The following ANKRD30BL variants were observed in gnomAD, a reference collection of about 807,000 sequenced individuals.
ANKRD30BL encodes the protein ankyrin repeat domain 30B like.
ANKRD30BL carries 20 observed loss-of-function variants against 18.4 expected under a neutral mutation model. The observed-to-expected ratio is 1.09, with a 90% CI of 0.77 to 1.58. The LOEUF is 1.58. Ranked by LOEUF, ANKRD30BL falls within the 40% of genes most tolerant of loss-of-function variation. The pLI, the probability that ANKRD30BL is intolerant of heterozygous loss-of-function variation, is 0.00. For synonymous variants in ANKRD30BL, 72 were observed against 100.9 expected, an observed-to-expected ratio of 0.71 and a Z score of 1.72; for missense variants, 224 against 268.6, an observed-to-expected ratio of 0.83 and a Z score of 1.16.
chr2:132,253,758 C>T (rs1327070581), intron 1 of ANKRD30BL, among the ~76,000 whole-genome samples: 1 of 151,924 alleles, frequency 6.6e-6, no homozygotes, highest in Non-Finnish European at 1.5e-5. Context: ...GGTCCTTAAA[C>T]CTCTGCACCA....
At chr2:132,233,390 CA>C (rs1218424257) in intron 1 of ANKRD30BL, among the ~76,000 whole-genome samples, 1 of 142,212 alleles carries the variant, frequency 7.0e-6, no homozygotes, top group African/African-American at 2.6e-5. Flanking sequence ...CACAGACTGG[CA>C]AATTGGATAA....
intron 1 of ANKRD30BL, among the ~76,000 whole-genome samples, chr2:132,210,986 T>G (rs1225218508): frequency 6.8e-6 from 1 of 146,688 alleles, no homozygotes; most frequent in East Asian, 2.0e-4. Flanking sequence ...TTTGAAACAC[T>G]CTTTTTGTGG....
intron 1 of ANKRD30BL, among the ~76,000 whole-genome samples, chr2:132,190,709 A>G (rs3119422): frequency 6.6e-6 from 1 of 152,156 alleles, no homozygotes; most frequent in African/African-American, 2.4e-5. Context: ...ATGCTGCTAT[A>G]AAAGATAATC....
chr2:132,231,139 T>C (rs1185952482), intron 1 of ANKRD30BL, among the ~76,000 whole-genome samples: 5 of 152,056 alleles, frequency 3.3e-5, no homozygotes, highest in Admixed American at 6.6e-5. Flanking sequence ...AGGCCTATGG[T>C]GGAAAAGGAA....
chr2:132,174,483 C>T (rs1688330016), intron 1 of ANKRD30BL, among the ~76,000 whole-genome samples: 1 of 152,090 alleles, frequency 6.6e-6, no homozygotes, highest in Admixed American at 6.5e-5. Flanking sequence ...ACATTAATTT[C>T]CTCAGGACAG....
At chr2:132,235,410 A>G (rs912198148) in intron 1 of ANKRD30BL, among the ~76,000 whole-genome samples, 17 of 152,190 alleles carry the variant, frequency 1.1e-4, no homozygotes, top group Non-Finnish European at 2.2e-4. Flanking sequence ...CCCTGTTTGC[A>G]GATGACATGA....
At chr2:132,163,013 T>G (rs1688114998), upstream of ANKRD30BL, among the ~76,000 whole-genome samples, 1 of 152,242 alleles carries the variant, frequency 6.6e-6, no homozygotes, top group Admixed American at 6.5e-5. Flanking sequence ...CCTTCCTCGT[T>G]GACCAGCATC....
upstream of ANKRD30BL, among the ~76,000 whole-genome samples, chr2:132,164,283 T>C (rs1448693396): frequency 6.1e-5 from 9 of 147,610 alleles, no homozygotes; most frequent in South Asian, 6.6e-4. Flanking sequence ...TTTTTTTTTT[T>C]TTTTTTTTTT....
Position 132,208,142 on chromosome 2 carries a change from A to C in ANKRD30BL, n.441+49387T>G, listed in dbSNP as rs1204056150. ...TTGGATTCCCTAAACAGAATTGTAG[A>C]TCCACTTGTACTGCAGGCCTCTGTA... is the stretch of plus-strand genomic sequence containing the variant. On this transcript the variant is annotated intron_variant and non_coding_transcript_variant, in intron 1 of 4. Transcript: ENST00000470729. 2.0e-5 allele frequency among the ~76,000 whole-genome samples: 3 copies of C among 152,070 alleles called. No individual in the cohort carries two copies. In the East Asian group the frequency reaches 5.8e-4, roughly 29 times the overall value.
At chr2:132,225,234 G>A (rs928270308) in intron 1 of ANKRD30BL, among the ~76,000 whole-genome samples, 14 of 151,510 alleles carry the variant, frequency 9.2e-5, no homozygotes, top group African/African-American at 3.1e-4. Context: ...CCTTTCTTTT[G>A]ATAGAGCAGG....
rs543339473 is a variant in ANKRD30BL, at chr2:132,240,393, G to T, written n.441+17136C>A. Among the ~76,000 whole-genome samples, 327 of 151,142 alleles carry T rather than the reference G, an allele frequency of 2.2e-3. 1 individual carries two copies. Among genetic ancestry groups the T allele is most frequent in the African/African-American group, 7.4e-3 (308 of 41,348 alleles). On this transcript the variant is annotated intron_variant and non_coding_transcript_variant, in intron 1 of 4. Coordinates refer to the ANKRD30BL transcript ENST00000470729. ...TTGCATTCAACTCACAAAGTGGAACGTTACTTTTCATAGAGCAGTTTTGAA... is the reference window on the plus strand; with the variant it reads ...TTGCATTCAACTCACAAAGTGGAACTTTACTTTTCATAGAGCAGTTTTGAA...
intron 1 of ANKRD30BL, among the ~76,000 whole-genome samples, chr2:132,230,327 C>A (rs1400054916): frequency 6.6e-6 from 1 of 151,540 alleles, no homozygotes; most frequent in Non-Finnish European, 1.5e-5. Context: ...TAGATAGAAG[C>A]ATTCTCAGAA....
chr2:132,211,328 T>C (rs1183852635), intron 1 of ANKRD30BL, among the ~76,000 whole-genome samples: 3 of 152,056 alleles, frequency 2.0e-5, no homozygotes, highest in African/African-American at 7.2e-5. Context: ...TTTGAAACAC[T>C]CTTTATGTAT....
At chr2:132,206,778 C>T (rs542852361) in intron 1 of ANKRD30BL, among the ~76,000 whole-genome samples, 1,763 of 152,226 alleles carry the variant, frequency 0.012, 3 homozygotes, top group African/African-American at 0.04. Context: ...TATTCTTTTA[C>T]GGTTCAGGAA....
chr2:132,221,560 C>T (rs1289986357), intron 1 of ANKRD30BL, among the ~76,000 whole-genome samples: 3 of 135,226 alleles, frequency 2.2e-5, no homozygotes, highest in African/African-American at 3.1e-5. Context: ...GGTCAGCCCC[C>T]CGCCCGGCCA....
At chr2:132,253,650 T>A (rs917241550) in intron 1 of ANKRD30BL, among the ~76,000 whole-genome samples, 1 of 151,044 alleles carries the variant, frequency 6.6e-6, no homozygotes, top group Non-Finnish European at 1.5e-5. Context: ...GGGGACGGAG[T>A]CGGCAGGGGA....
intron 1 of ANKRD30BL, among the ~76,000 whole-genome samples, chr2:132,218,137 G>A (rs1471555228): frequency 3.9e-5 from 6 of 152,266 alleles, no homozygotes; most frequent in Non-Finnish European, 7.3e-5. Context: ...ACTCTAGACA[G>A]AAGCATTCTC....
chr2:132,234,965 G>A (rs1573874201), intron 1 of ANKRD30BL, among the ~76,000 whole-genome samples: 1 of 152,146 alleles, frequency 6.6e-6, no homozygotes, highest in African/African-American at 2.4e-5. Context: ...GAATCCAGCA[G>A]AACATCAAAA....
chr2:132,244,575 A>T (rs1227347049), intron 1 of ANKRD30BL, among the ~76,000 whole-genome samples: 1 of 152,306 alleles, frequency 6.6e-6, no homozygotes, highest in Non-Finnish European at 1.5e-5. Context: ...CCTATGGTGA[A>T]AAAGGAAATA....
Sources: gnomAD v4.1 joint callset for allele counts (sites outside exome capture counted in the v4.1 genomes callset) on GRCh38, gnomAD v4.1.1 for gene constraint, MANE v1.5 for transcripts, NCBI Gene and HGNC (gene_info 2026-07-23, HGNC 2026-07-21) for gene names.